The following ROBO1 variants were observed in gnomAD, a reference collection of about 807,000 sequenced individuals.
ROBO1 encodes the protein roundabout homolog 1.
In ROBO1, 149 loss-of-function variants were observed where a neutral mutation model predicts 195.9. The observed-to-expected ratio is 0.76, with a 90% CI of 0.67 to 0.87. ROBO1 has a LOEUF of 0.87. Ranked by LOEUF, ROBO1 falls within the 40% of genes least tolerant of loss-of-function variation. The pLI, the probability that ROBO1 is intolerant of heterozygous loss-of-function variation, is 0.00. For missense variants in ROBO1, 1,933 were observed against 2,068.3 expected (o/e 0.93, Z 1.27); for synonymous variants, 816 against 733.2 (o/e 1.11, Z -1.82).
chr3:79,687,554 GAGA>G (rs1490613531), intron 1 of ROBO1, among the ~76,000 whole-genome samples: 1 of 152,144 alleles, frequency 6.6e-6, no homozygotes, highest in Non-Finnish European at 1.5e-5. Context: ...CAAAAAGTGG[GAGA>G]AGGATATGAC....
At chr3:79,667,428 T>A (rs1946506290) in intron 1 of ROBO1, among the ~76,000 whole-genome samples, 1 of 151,812 alleles carries the variant, frequency 6.6e-6, no homozygotes, top group Non-Finnish European at 1.5e-5. Context: ...CTAAATAACA[T>A]TCTTCGGGTC....
At chr3:79,684,864 C>T (rs575051098) in intron 1 of ROBO1, among the ~76,000 whole-genome samples, 10 of 151,858 alleles carry the variant, frequency 6.6e-5, no homozygotes, top group African/African-American at 4.8e-5. Flanking sequence ...TTAGTAGAGA[C>T]GGGGTTTCAC....
chr3:78,844,551 G>A (rs144809552), intron 4 of ROBO1, among the ~76,000 whole-genome samples: 4 of 152,002 alleles, frequency 2.6e-5, no homozygotes, highest in Admixed American at 2.0e-4. Context: ...GTTGACCATG[G>A]CAAAAGATTT....
intron 1 of ROBO1, among the ~76,000 whole-genome samples, chr3:79,621,101 C>T (rs1944993329): frequency 6.6e-6 from 1 of 152,164 alleles, no homozygotes; most frequent in Non-Finnish European, 1.5e-5. Context: ...TCATCCCAGC[C>T]TCTCTTCCCT....
At chr3:79,726,126 A>G (rs1702915635) in intron 1 of ROBO1, among the ~76,000 whole-genome samples, 1 of 152,182 alleles carries the variant, frequency 6.6e-6, no homozygotes. Flanking sequence ...TCTGTCAAGG[A>G]TGATCCATAA....
intron 2 of ROBO1, among the ~76,000 whole-genome samples, chr3:79,445,585 A>G (rs2039221624): frequency 6.9e-6 from 1 of 145,926 alleles, no homozygotes; most frequent in African/African-American, 2.6e-5. Flanking sequence ...CCGCAGCCTC[A>G]AATTCCTGGG....
chr3:79,376,451 C>A (rs1484255433), intron 2 of ROBO1, among the ~76,000 whole-genome samples: 1 of 152,216 alleles, frequency 6.6e-6, no homozygotes, highest in Non-Finnish European at 1.5e-5. Flanking sequence ...TGTCTCCACC[C>A]AAATCTTGTC....
chr3:78,945,068 C>A (rs1016841973), intron 3 of ROBO1, among the ~76,000 whole-genome samples: 2 of 152,182 alleles, frequency 1.3e-5, no homozygotes, highest in Non-Finnish European at 2.9e-5. Flanking sequence ...GGCCTGCCTG[C>A]CCCTGTAGGC....
rs987986852 is a variant in ROBO1, at chr3:79,509,245, A to AT, written c.88+80578dup. The stretch of plus-strand genomic sequence containing the variant: ...GGATTATAGCTGGTTCTACTTTATT[A>AT]TTTTTTTTTTCTGGAAGGCAGCCAA... On this transcript the variant is annotated intron_variant, in intron 2 of 30. Transcript: ENST00000464233. Among the ~76,000 whole-genome samples, 758 of 149,860 alleles carry AT rather than the reference A, an allele frequency of 5.1e-3. 5 individuals carry two copies. Among genetic ancestry groups the AT allele is most frequent in the African/African-American group, 0.016 (645 of 40,950 alleles).
At chr3:78,897,172 A>AT (rs1319996258) in intron 4 of ROBO1, among the ~76,000 whole-genome samples, 2 of 152,216 alleles carry the variant, frequency 1.3e-5, no homozygotes, top group Non-Finnish European at 2.9e-5. Context: ...TAGACCAGTG[A>AT]TTCAAAAACT....
intron 3 of ROBO1, among the ~76,000 whole-genome samples, chr3:79,016,392 A>G (rs1268956097): frequency 2.0e-5 from 3 of 152,256 alleles, no homozygotes; most frequent in African/African-American, 7.2e-5. Context: ...TTAGGTTTAC[A>G]AAAATCATCA....
At chr3:79,439,183 T>C (rs563231970) in intron 2 of ROBO1, among the ~76,000 whole-genome samples, 2 of 152,168 alleles carry the variant, frequency 1.3e-5, no homozygotes, top group East Asian at 1.9e-4. Context: ...AATAAATATA[T>C]GTCTACAATG....
chr3:79,174,887 A>G (rs1009919212), intron 2 of ROBO1, among the ~76,000 whole-genome samples: 5 of 151,780 alleles, frequency 3.3e-5, no homozygotes, highest in Admixed American at 6.6e-5. Context: ...TTACCAATTT[A>G]GAAAAATCCT....
intron 2 of ROBO1, among the ~76,000 whole-genome samples, chr3:79,253,355 C>A (rs1336522051): frequency 6.6e-6 from 1 of 152,056 alleles, no homozygotes; most frequent in Non-Finnish European, 1.5e-5. Context: ...GTAAACATAC[C>A]CTGGAATGAA....
At chr3:79,604,394 A>T (rs899127313) in intron 1 of ROBO1, among the ~76,000 whole-genome samples, 3 of 152,070 alleles carry the variant, frequency 2.0e-5, no homozygotes, top group African/African-American at 7.2e-5. Context: ...TTAAAATGTG[A>T]AATATTATGA....
intron 1 of ROBO1, among the ~76,000 whole-genome samples, chr3:79,628,592 C>G (rs1225634775): frequency 6.6e-6 from 1 of 152,056 alleles, no homozygotes; most frequent in Non-Finnish European, 1.5e-5. Context: ...GCACATGTAT[C>G]CCAGTTTTTA....
chr3:79,059,489 C>A (rs1418355669), intron 3 of ROBO1, among the ~76,000 whole-genome samples: 1 of 151,964 alleles, frequency 6.6e-6, no homozygotes, highest in African/African-American at 2.4e-5. Context: ...TGCCATAGCA[C>A]ATTTATATAA....
At chr3:79,011,488 G>C (rs2077774871) in intron 3 of ROBO1, among the ~76,000 whole-genome samples, 1 of 151,976 alleles carries the variant, frequency 6.6e-6, no homozygotes, top group South Asian at 2.1e-4. Context: ...TTTGTGACCT[G>C]ATTCATTCAT....
intron 4 of ROBO1, among the ~76,000 whole-genome samples, chr3:78,775,123 T>A (rs1010552794): frequency 6.6e-6 from 1 of 152,222 alleles, no homozygotes; most frequent in African/African-American, 2.4e-5. Flanking sequence ...GATGTCAGTT[T>A]GTACCCATGA....
Sources: gnomAD v4.1 joint callset for allele counts (sites outside exome capture counted in the v4.1 genomes callset) on GRCh38, gnomAD v4.1.1 for gene constraint, MANE v1.5 for transcripts, NCBI Gene and HGNC (gene_info 2026-07-23, HGNC 2026-07-21) for gene names.